COL9A3: variants seen among roughly 807,000 people sequenced by gnomAD.
The protein encoded by COL9A3 is collagen alpha-3(IX) chain.
Under a neutral mutation model 110.2 loss-of-function variants are expected in COL9A3, and 82 were observed. That is an observed-to-expected ratio of 0.74 (90% CI 0.62 to 0.89). The LOEUF (loss-of-function observed/expected upper bound fraction) is 0.89, where lower values mean the gene tolerates loss of function less well. COL9A3 is among the 40% of genes least tolerant of loss of function. The pLI, the probability that COL9A3 is intolerant of heterozygous loss-of-function variation, is 0.00. For missense variants in COL9A3, 1,066 were observed against 981.3 expected, an observed-to-expected ratio of 1.09 and a Z score of -1.15; for synonymous variants, 494 against 403.8, an observed-to-expected ratio of 1.22 and a Z score of -2.68.
intron 1 of COL9A3, 122 bp downstream of exon 1, chr20:62,817,264 G>C (rs1482843610): frequency 1.4e-6 from 1 of 723,518 alleles, no homozygotes; most frequent in Non-Finnish European, 1.9e-6. Flanking sequence ...CCGTCGGGGC[G>C]CGGAGTCGCC....
rs773262510 is a variant in COL9A3, at chr20:62,840,578, A to G, written c.1901A>G (p.Gln634Arg). The change falls in exon 32 of 32, where the codon CAG (glutamine) becomes CGG (arginine). Residue 634 changes from glutamine to arginine, a missense_variant. Transcript: ENST00000649368. ...GTGCCCGGCACCAGCAAGGACGGCC[A>G]GGACGGTGCTCCCGGCGAGCCTGGG... ...QGVPGTSKDG[Q>R]DGAPGEPGPP... is the part of the protein sequence containing the mutation. 5 of 1,612,836 alleles carry G rather than the reference A, an allele frequency of 3.1e-6. No individual in the cohort carries two copies. The Admixed American group carries it at 5.0e-5, about 16-fold the overall frequency.
intron 31 of COL9A3, among the ~76,000 whole-genome samples, chr20:62,839,156 C>T (rs997384499): frequency 6.6e-6 from 1 of 151,690 alleles, no homozygotes; most frequent in African/African-American, 2.4e-5. Context: ...ACCCGGGAGG[C>T]GGAGGTTGCA....
rs781673471 is a variant in COL9A3, at chr20:62,825,808, C to T, written c.631-9C>T. 2 of 1,552,766 alleles carry T rather than the reference C, an allele frequency of 1.3e-6. No individual in the cohort carries two copies. The highest frequency in any genetic ancestry group is 2.4e-5 in the East Asian group (1 of 41,256). On this transcript the variant is annotated splice_polypyrimidine_tract_variant and intron_variant, in intron 12 of 31. Coordinates refer to ENST00000649368, the MANE Select transcript of COL9A3 (RefSeq NM_001853.4). ...TGGGCCGCTGACCACCCTATCCCCT[C>T]TGTTTCAGGGTGACCCTGGCCCCCC...
chr20:62,818,686 C>A, intron 3 of COL9A3, 133 bp downstream of exon 3: 1 of 914,818 alleles, frequency 1.1e-6, no homozygotes, highest in Middle Eastern at 2.1e-4. Context: ...CCTCAGAGGG[C>A]TTGGAGCAGG....
At chr20:62,840,296 T>C (rs2063666534) in intron 31 of COL9A3, among the ~76,000 whole-genome samples, 1 of 151,262 alleles carries the variant, frequency 6.6e-6, no homozygotes. Context: ...AGAGTGCGGG[T>C]GTCCTCAGGA....
intron 23 of COL9A3, 39 bp from the exon 24 acceptor site, chr20:62,830,478 A>G (rs774762601): frequency 3.1e-6 from 5 of 1,599,036 alleles, no homozygotes; most frequent in Non-Finnish European, 3.4e-6. Context: ...CAGACCCGAC[A>G]GGGTATGGGC....
intron 19 of COL9A3, 95 bp downstream of exon 19, chr20:62,829,071 C>T (rs528089653): frequency 1.6e-5 from 22 of 1,359,042 alleles, no homozygotes; most frequent in South Asian, 1.3e-4. Context: ...ACTGTAGGGC[C>T]GACTCCCTGT....
chr20:62,836,156 C>G (rs772169465), intron 27 of COL9A3, 31 bp from the exon 28 acceptor site: 2 of 1,610,848 alleles, frequency 1.2e-6, no homozygotes, highest in Non-Finnish European at 1.7e-6. Flanking sequence ...CTGGGCTCGC[C>G]CCTGACCCAC....
chr20:62,832,114 C>T (rs1384447409), intron 24 of COL9A3, 40 bp from the exon 25 acceptor site: 11 of 1,603,662 alleles, frequency 6.9e-6, no homozygotes, highest in South Asian at 2.2e-5. Flanking sequence ...TTAGGGATTC[C>T]TGCCATTCCT....
chr20:62,821,696 G>T, intron 7 of COL9A3, 61 bp from the exon 8 acceptor site: 1 of 1,558,876 alleles, frequency 6.4e-7, no homozygotes, highest in Non-Finnish European at 8.8e-7. Flanking sequence ...CACCAACCCT[G>T]GGTGGGGATC....
rs1304878950 is a variant in COL9A3, at chr20:62,826,283, G to A, written c.738+26G>A. 4.5e-6 allele frequency: 7 copies of A among 1,544,820 alleles called. No homozygotes were observed. In the South Asian group the frequency reaches 6.0e-5, roughly 13 times the overall value. Reference sequence around the variant, plus strand: ...GTAAGTCCTGCAGCCCCTAGTGGGGGCCGGCCAGGTGGCTGGGGGCCTGGT... The same window carrying A: ...GTAAGTCCTGCAGCCCCTAGTGGGGACCGGCCAGGTGGCTGGGGGCCTGGT... On this transcript the variant is annotated intron_variant, in intron 14 of 31. Transcript: ENST00000649368.
In COL9A3 at chr20:62,817,102, T is replaced by C. The variant is rs1415856991; in HGVS notation, c.38T>C (p.Leu13Pro). 2 of 1,404,982 alleles carry C rather than the reference T, an allele frequency of 1.4e-6. No homozygotes were observed. Among genetic ancestry groups the C allele is most frequent in the Admixed American group, 2.5e-5 (1 of 40,228 alleles). 87.0% of individuals were successfully genotyped at this position (1,404,982 alleles called of 1,614,324 possible). The change falls in exon 1 of 32, where the codon CTG (leucine) becomes CCG (proline). Residue 13 changes from leucine to proline, a missense_variant. Leu to Pro is a moderately conservative substitution (Grantham distance 98, BLOSUM62 -3). Transcript: ENST00000649368. Reference protein sequence around the residue: ...GPRACAPLLLLLLLGELLAAA... With the variant: ...GPRACAPLLLPLLLGELLAAA... ...CGCGCGTGCGCCCCGCTCCTGCTCC[T>C]GCTCCTGCTCGGGGAGCTTCTGGCG...
At chr20:62,817,028 G>T, upstream of COL9A3, 3 of 1,184,494 alleles carry the variant, frequency 2.5e-6, no homozygotes, top group Non-Finnish European at 3.1e-6. Flanking sequence ...CCCGCGCGCC[G>T]CCCGCCCCGA....
intron 11 of COL9A3, among the ~76,000 whole-genome samples, 174 bp downstream of exon 11, chr20:62,824,675 C>T (rs1349060820): frequency 2.0e-5 from 3 of 152,226 alleles, no homozygotes; most frequent in Admixed American, 1.3e-4. Flanking sequence ...CCCAGTGACA[C>T]GCTGATGTGG....
chr20:62,817,738 C>T (rs1041926811), intron 2 of COL9A3, 103 bp downstream of exon 2: 16 of 782,482 alleles, frequency 2.0e-5, no homozygotes, highest in Non-Finnish European at 2.9e-5. Context: ...CAGGCCCCAC[C>T]TCCCAGAGCC....
chr20:62,817,671 G>C (rs1250920968), intron 2 of COL9A3, 36 bp downstream of exon 2: 7 of 1,456,398 alleles, frequency 4.8e-6, no homozygotes, highest in Non-Finnish European at 6.5e-6. Flanking sequence ...CGAGCGCTCT[G>C]GGGTTCTGGC....
Position 62,829,758 on chromosome 20 carries a change from C to G in COL9A3, c.1108-8C>G, listed in dbSNP as rs762767602. The G allele has an allele frequency of 6.3e-7, 1 of 1,591,266 alleles. No homozygotes were observed. The highest frequency in any genetic ancestry group is 1.1e-5 in the South Asian group (1 of 87,606). On this transcript the variant is annotated splice_polypyrimidine_tract_variant and splice_region_variant and intron_variant, in intron 21 of 31. Transcript: ENST00000649368. Reference sequence around the variant, plus strand: ...CCTGCCCTGACACCCTCCTTCCTTTCCCTGTAGGGAGATGCTGGCATGCCT... The same window carrying G: ...CCTGCCCTGACACCCTCCTTCCTTTGCCTGTAGGGAGATGCTGGCATGCCT...
intron 2 of COL9A3, chr20:62,818,019 G>A (rs1404077611): frequency 2.7e-6 from 1 of 373,630 alleles, no homozygotes; most frequent in African/African-American, 2.1e-5. Context: ...CCATGGAGGG[G>A]GCTTAGGAGC....
intron 5 of COL9A3, among the ~76,000 whole-genome samples, chr20:62,820,279 C>T (rs1991076187): frequency 6.6e-6 from 1 of 152,010 alleles, no homozygotes; most frequent in Admixed American, 6.6e-5. Flanking sequence ...GTCCCTGAAG[C>T]CCCCAGGGCC....
Sources: gnomAD v4.1 joint callset for allele counts (sites outside exome capture counted in the v4.1 genomes callset) on GRCh38, gnomAD v4.1.1 for gene constraint, MANE v1.5 for transcripts, NCBI Gene and HGNC (gene_info 2026-07-23, HGNC 2026-07-21) for gene names.